Variants in ATP9A observed in about 807,000 individuals in gnomAD.
The protein encoded by ATP9A is ATPase phospholipid transporting 9A.
In ATP9A, 52 loss-of-function variants were observed where a neutral mutation model predicts 144.1. The ratio of observed to expected loss-of-function variants is 0.36; its 90% CI spans 0.29 to 0.45. The LOEUF is 0.45. Among genes scored for constraint, ATP9A ranks in the 20% least tolerant of loss-of-function variants. The probability of loss-of-function intolerance (pLI) is 1.00; values close to 1 mark genes in which losing one functional copy is unlikely to be tolerated. For missense variants in ATP9A, 947 were observed against 1,392.7 expected (o/e 0.68, Z 5.09); for synonymous variants, 582 against 557.4 (o/e 1.04, Z -0.62).
chr20:51,625,915 T>C (rs546176888), intron 17 of ATP9A, among the ~76,000 whole-genome samples: 1 of 152,346 alleles, frequency 6.6e-6, no homozygotes, highest in South Asian at 2.1e-4. Flanking sequence ...CAGGTAGCAT[T>C]GATCGGGGCT....
chr20:51,652,168 C>A (rs569760957), intron 14 of ATP9A, among the ~76,000 whole-genome samples: 1 of 152,196 alleles, frequency 6.6e-6, no homozygotes, highest in African/African-American at 2.4e-5. Flanking sequence ...GAGGCCTGCT[C>A]GCTCCAGCAT....
chr20:51,644,805 T>TA (rs11482693), intron 14 of ATP9A, among the ~76,000 whole-genome samples: 70,023 of 151,970 alleles, frequency 0.46, 17,682 homozygotes, highest in East Asian at 0.8. Flanking sequence ...ATGATTTTTT[T>TA]ATTCCTATTC....
chr20:51,663,240 A>G (rs1302421238), intron 13 of ATP9A, among the ~76,000 whole-genome samples: 1 of 152,194 alleles, frequency 6.6e-6, no homozygotes, highest in Non-Finnish European at 1.5e-5. Flanking sequence ...AAAAGAAAAC[A>G]GAGACAGAGA....
chr20:51,692,190 A>G (rs994515564), intron 7 of ATP9A, among the ~76,000 whole-genome samples: 2 of 152,224 alleles, frequency 1.3e-5, no homozygotes, highest in Non-Finnish European at 2.9e-5. Flanking sequence ...CTGCATGACA[A>G]CGTCAATGTA....
intron 17 of ATP9A, among the ~76,000 whole-genome samples, 173 bp downstream of exon 17, chr20:51,627,427 G>A (rs80257071): frequency 0.13 from 19,038 of 152,234 alleles, 1,577 homozygotes; most frequent in Non-Finnish European, 0.18. Flanking sequence ...CTCTGTGGGT[G>A]AAGAGAGTTC....
At chr20:51,642,726 CAAAAAAAAAAAAAAAA>C (rs778440862) in intron 14 of ATP9A, among the ~76,000 whole-genome samples, 23 of 31,142 alleles carry the variant, frequency 7.4e-4, no homozygotes, top group Admixed American at 2.8e-3. Flanking sequence ...ACTCTGTCTC[CAAAAAAAAAAAAAAAA>C]AAAAAAAAAA....
intron 1 of ATP9A, among the ~76,000 whole-genome samples, chr20:51,752,975 G>A (rs1424092688): frequency 3.3e-5 from 5 of 152,040 alleles, no homozygotes; most frequent in Admixed American, 1.3e-4. Context: ...GGTTATGCAC[G>A]CCTGTAATCC....
At chr20:51,623,507 G>A (rs1207736592) in intron 18 of ATP9A, among the ~76,000 whole-genome samples, 4 of 152,162 alleles carry the variant, frequency 2.6e-5, no homozygotes, top group East Asian at 1.9e-4. Flanking sequence ...GCAGCCAGGC[G>A]CGGTGGCTTA....
chr20:51,709,350 A>G (rs1333317820), intron 4 of ATP9A, among the ~76,000 whole-genome samples: 2 of 152,132 alleles, frequency 1.3e-5, no homozygotes, highest in African/African-American at 4.8e-5. Context: ...CCCCGTCTCT[A>G]CTAAAAATAC....
At chr20:51,675,871 C>T (rs1170783263) in intron 10 of ATP9A, among the ~76,000 whole-genome samples, 2 of 145,268 alleles carry the variant, frequency 1.4e-5, no homozygotes, top group Non-Finnish European at 3.0e-5. Context: ...CAAAGTGAGA[C>T]CCTGTCTCAA....
intron 15 of ATP9A, among the ~76,000 whole-genome samples, chr20:51,632,856 C>T (rs1045295079): frequency 6.6e-6 from 1 of 152,216 alleles, no homozygotes; most frequent in Non-Finnish European, 1.5e-5. Context: ...GGCGCAGTGG[C>T]TCACACCTGT....
At chr20:51,713,842 G>A (rs190010038) in intron 3 of ATP9A, among the ~76,000 whole-genome samples, 2 of 152,270 alleles carry the variant, frequency 1.3e-5, no homozygotes, top group African/African-American at 4.8e-5. Flanking sequence ...TTCTCTGCCG[G>A]GAAGGAGACT....
At chr20:51,630,460 T>G (rs565907313) in intron 15 of ATP9A, among the ~76,000 whole-genome samples, 2 of 152,144 alleles carry the variant, frequency 1.3e-5, no homozygotes, top group Non-Finnish European at 2.9e-5. Flanking sequence ...CCCAACACTT[T>G]GGGAGGCTCA....
At chr20:51,659,801 C>T (rs906970153) in intron 13 of ATP9A, among the ~76,000 whole-genome samples, 4 of 152,136 alleles carry the variant, frequency 2.6e-5, no homozygotes, top group Non-Finnish European at 5.9e-5. Context: ...CATTAGACTC[C>T]TCAGGTAATT....
intron 17 of ATP9A, among the ~76,000 whole-genome samples, chr20:51,627,172 TA>T (rs5841851): frequency 0.45 from 67,634 of 151,646 alleles, 15,782 homozygotes; most frequent in East Asian, 0.68. Context: ...AGATGAATGT[TA>T]AAAAAAAATA....
chr20:51,675,419 C>T (rs906243958), intron 10 of ATP9A, among the ~76,000 whole-genome samples: 2 of 152,092 alleles, frequency 1.3e-5, no homozygotes, highest in Non-Finnish European at 2.9e-5. Flanking sequence ...CATGGGCCTG[C>T]CCCGTCCTCA....
intron 14 of ATP9A, among the ~76,000 whole-genome samples, chr20:51,648,458 C>A (rs1237883298): frequency 6.6e-6 from 1 of 152,174 alleles, no homozygotes; most frequent in Non-Finnish European, 1.5e-5. Context: ...AAGGGGGAAA[C>A]CTCCTAAGTG....
intron 1 of ATP9A, among the ~76,000 whole-genome samples, chr20:51,749,820 T>C (rs1243451354): frequency 4.6e-5 from 7 of 152,160 alleles, no homozygotes; most frequent in African/African-American, 1.7e-4. Flanking sequence ...TATTAAACCA[T>C]GTGACTCTGA....
chr20:51,609,941 G>C lies in ATP9A; in HGVS notation c.2636+160C>G, dbSNP rs115123945. ...TTAACAGCTCAAAACCTTGTTAATT[G>C]AAGGAGGTTCTAAACCATGGTGCTG... On this transcript the variant is annotated intron_variant, in intron 24 of 27. Coordinates refer to ENST00000338821, the MANE Select transcript of ATP9A (RefSeq NM_006045.3). Among the ~76,000 whole-genome samples, 1,205 of 152,322 alleles carry C rather than the reference G, an allele frequency of 7.9e-3. 17 individuals are homozygous for C. Among genetic ancestry groups the C allele is most frequent in the African/African-American group, 0.028 (1,146 of 41,580 alleles).
Sources: allele counts gnomAD v4.1 joint callset (sites outside exome capture counted in the v4.1 genomes callset), GRCh38; gene constraint gnomAD v4.1.1; transcripts MANE v1.5; gene names NCBI Gene and HGNC (gene_info 2026-07-23, HGNC 2026-07-21).